The following LRRC37A2 variants were observed in gnomAD, a reference collection of about 807,000 sequenced individuals.
LRRC37A2 encodes the protein leucine rich repeat containing 37 member A2, also known as leucine-rich repeat-containing protein 37A2.
Under a neutral mutation model 68.8 loss-of-function variants are expected in LRRC37A2, and 9 were observed. The ratio of observed to expected loss-of-function variants is 0.13; its 90% CI spans 0.08 to 0.23. The LOEUF (loss-of-function observed/expected upper bound fraction) is 0.23, where lower values mean the gene tolerates loss of function less well. Among genes scored for constraint, LRRC37A2 ranks in the 10% least tolerant of loss-of-function variants. The probability of loss-of-function intolerance (pLI) is 1.00; values close to 1 mark genes in which losing one functional copy is unlikely to be tolerated. For synonymous variants in LRRC37A2, 63 were observed against 367.6 expected (o/e 0.17, Z 9.48); for missense variants, 168 against 950.4 (o/e 0.18, Z 10.82).
the LRRC37A2 span, among the ~76,000 whole-genome samples, chr17:47,028,106 G>A: frequency 6.6e-6 from 1 of 152,236 alleles, no homozygotes; most frequent in South Asian, 2.1e-4. Flanking sequence ...TGCACCACGT[G>A]TGCAGTGTTA....
chr17:46,914,957 G>A, the LRRC37A2 span, among the ~76,000 whole-genome samples: 1 of 152,166 alleles, frequency 6.6e-6, no homozygotes, highest in Non-Finnish European at 1.5e-5. Context: ...ACACTGTCTT[G>A]CACTGTTATA....
At chr17:46,878,930 C>G in the LRRC37A2 span, among the ~76,000 whole-genome samples, 1 of 152,216 alleles carries the variant, frequency 6.6e-6, no homozygotes, top group Non-Finnish European at 1.5e-5. Flanking sequence ...CTGTCTGTCT[C>G]TCTCCCTCTC....
chr17:46,823,002 ATATG>A, the LRRC37A2 span, among the ~76,000 whole-genome samples: 1 of 39,182 alleles, frequency 2.6e-5, no homozygotes, highest in African/African-American at 7.7e-5. Flanking sequence ...ATTTATATAT[ATATG>A]TATTTATAAT....
chr17:46,770,468 T>G, the LRRC37A2 span, among the ~76,000 whole-genome samples: 20,525 of 152,052 alleles, frequency 0.13, 1,887 homozygotes, highest in Non-Finnish European at 0.2. Flanking sequence ...CTGAGTGAGA[T>G]CCAGGTCTGT....
chr17:46,779,053 T>TCACACACACACACACACACA, the LRRC37A2 span, among the ~76,000 whole-genome samples: 1,303 of 100,580 alleles, frequency 0.013, 31 homozygotes, highest in Non-Finnish European at 0.016. Flanking sequence ...CCCTACCCCA[T>TCACACACACACACACACACA]CACACACACA....
the LRRC37A2 span, among the ~76,000 whole-genome samples, chr17:46,924,094 C>T: frequency 6.6e-6 from 1 of 152,208 alleles, no homozygotes; most frequent in Non-Finnish European, 1.5e-5. Context: ...TTTTCATCAT[C>T]CCAGTGTGCC....
chr17:46,798,011 G>A, the LRRC37A2 span, among the ~76,000 whole-genome samples: 3 of 152,032 alleles, frequency 2.0e-5, no homozygotes, highest in South Asian at 2.1e-4. Context: ...TCTCTGCAAC[G>A]TCTGCCTCCT....
At chr17:46,994,778 T>C in the LRRC37A2 span, among the ~76,000 whole-genome samples, 11 of 151,198 alleles carry the variant, frequency 7.3e-5, no homozygotes, top group South Asian at 6.3e-4. Context: ...TTTCTTGCCA[T>C]TGGGGCTTCT....
chr17:47,024,230 C>G, the LRRC37A2 span, among the ~76,000 whole-genome samples: 1 of 152,168 alleles, frequency 6.6e-6, no homozygotes, highest in Non-Finnish European at 1.5e-5. Flanking sequence ...GTTATGTGCA[C>G]TTTATGCACA....
chr17:46,731,258 C>G, the LRRC37A2 span, among the ~76,000 whole-genome samples: 1 of 152,028 alleles, frequency 6.6e-6, no homozygotes, highest in African/African-American at 2.4e-5. Flanking sequence ...TGGATGATTC[C>G]AGTTACATGA....
At chr17:46,609,485 TGGAAAAGAAGTA>T in the LRRC37A2 span, among the ~76,000 whole-genome samples, 1 of 151,878 alleles carries the variant, frequency 6.6e-6, no homozygotes, top group Admixed American at 6.6e-5. Context: ...ATTTGTTCTA[TGGAAAAGAAGTA>T]GGCTAGTAAT....
At chr17:46,769,240 C>G in the LRRC37A2 span, among the ~76,000 whole-genome samples, 1 of 147,992 alleles carries the variant, frequency 6.8e-6, no homozygotes, top group Non-Finnish European at 1.5e-5. Context: ...TGCTTGAACT[C>G]GGGAGGCGGA....
the LRRC37A2 span, among the ~76,000 whole-genome samples, chr17:46,909,560 C>T: frequency 2.0e-5 from 3 of 152,190 alleles, no homozygotes; most frequent in African/African-American, 4.8e-5. Flanking sequence ...CATCACATCT[C>T]GATTTGCTCT....
At chr17:46,892,005 C>T in the LRRC37A2 span, among the ~76,000 whole-genome samples, 16 of 149,948 alleles carry the variant, frequency 1.1e-4, no homozygotes, top group South Asian at 3.4e-3. Flanking sequence ...GTGCAACCTC[C>T]ACCTCATGGG....
chr17:46,788,237 T>C, the LRRC37A2 span, among the ~76,000 whole-genome samples: 31,265 of 152,180 alleles, frequency 0.21, 3,932 homozygotes, highest in East Asian at 0.53. Context: ...CTAATTCAAA[T>C]TTTTCCTAAG....
At chr17:46,730,601 T>C in the LRRC37A2 span, among the ~76,000 whole-genome samples, 3 of 152,174 alleles carry the variant, frequency 2.0e-5, no homozygotes, top group Admixed American at 2.0e-4. Flanking sequence ...TCTTATGCTT[T>C]TAAATCTCAC....
rs1347750023 is a variant in LRRC37A2 at position 46,548,657 on chromosome 17, G to A, written c.3518G>A (p.Ser1173Asn). The change falls in exon 10 of 15, where the codon AGC becomes AAC. Residue 1173 changes from serine (S) to asparagine (N), a missense_variant. Transcript: ENST00000576629. ...AAGAGAGTCCTCATGGGCCCAAGGAGCATCCAGAAAAGGCACTTCAAAGAG... is the reference window on the plus strand; with the variant it reads ...AAGAGAGTCCTCATGGGCCCAAGGAACATCCAGAAAAGGCACTTCAAAGAG... The A allele has an allele frequency of 3.7e-6, 6 of 1,606,094 alleles. No homozygotes were observed. In the African/African-American group the frequency reaches 4.3e-5, roughly 11 times the overall value.
chr17:46,757,022 G>A, the LRRC37A2 span: 1 of 152,040 alleles, frequency 6.6e-6, no homozygotes, highest in Admixed American at 6.6e-5. Context: ...TAAAATGCAA[G>A]GACAAGCAAT....
the LRRC37A2 span, among the ~76,000 whole-genome samples, chr17:47,037,972 T>C: frequency 1.7e-4 from 26 of 151,806 alleles, no homozygotes; most frequent in African/African-American, 6.0e-4. Context: ...CTAAGAACAA[T>C]AGTAATGTCC....
Sources: gnomAD v4.1 joint callset for allele counts (sites outside exome capture counted in the v4.1 genomes callset) on GRCh38, gnomAD v4.1.1 for gene constraint, MANE v1.5 for transcripts, NCBI Gene and HGNC (gene_info 2026-07-23, HGNC 2026-07-21) for gene names.